NDUFA10: variants seen among roughly 807,000 people sequenced by gnomAD.
The protein encoded by NDUFA10 is NADH dehydrogenase [ubiquinone] 1 alpha subcomplex subunit 10, mitochondrial.
A neutral mutation model predicts 47.8 loss-of-function variants in NDUFA10; 40 were observed. The ratio of observed to expected loss-of-function variants is 0.84; its 90% CI spans 0.65 to 1.09. The LOEUF is 1.09. NDUFA10 is among the 50% of genes least tolerant of loss of function. The probability of loss-of-function intolerance (pLI) is 0.00; values close to 1 mark genes in which losing one functional copy is unlikely to be tolerated. For synonymous variants in NDUFA10, 183 were observed against 172.2 expected (o/e 1.06, Z -0.49); for missense variants, 413 against 451.1 (o/e 0.92, Z 0.76).
intron 8 of NDUFA10, among the ~76,000 whole-genome samples, chr2:239,998,791 G>C (rs1050169151): frequency 7.9e-5 from 12 of 152,206 alleles, no homozygotes; most frequent in African/African-American, 2.9e-4. Context: ...TGAGAAAGTT[G>C]CTCAATCAAT....
At chr2:239,939,123 T>A (rs1694317582) in intron 4 of NDUFA10, among the ~76,000 whole-genome samples, 1 of 152,132 alleles carries the variant, frequency 6.6e-6, no homozygotes, top group South Asian at 2.1e-4. Context: ...GGGAGGATCC[T>A]CGGACCCGCG....
intron 7 of NDUFA10, 83 bp downstream of exon 7, chr2:240,007,233 T>C (rs2106474512): frequency 9.5e-7 from 1 of 1,056,642 alleles, no homozygotes; most frequent in African/African-American, 1.6e-5. Context: ...CCAGTGGGAA[T>C]CTAACTGACG....
intron 4 of NDUFA10, among the ~76,000 whole-genome samples, chr2:239,926,604 C>G (rs557335460): frequency 5.0e-4 from 52 of 104,828 alleles, no homozygotes; most frequent in Non-Finnish European, 8.5e-4. Flanking sequence ...GGAGTGTACT[C>G]CTCCTACTTA....
intron 5 of NDUFA10, among the ~76,000 whole-genome samples, chr2:239,893,180 T>C (rs374740287): frequency 6.0e-4 from 91 of 152,144 alleles, no homozygotes; most frequent in African/African-American, 2.1e-3. Context: ...GGGCAGGGGG[T>C]GGGCTGATGC....
At chr2:239,983,384 C>G (rs753541056) in intron 9 of NDUFA10, 64 of 1,391,962 alleles carry the variant, frequency 4.6e-5, no homozygotes, top group Non-Finnish European at 6.1e-5. Context: ...CTCTGATGGA[C>G]AAAAGGAATT....
chr2:239,959,763 G>T lies in NDUFA10; in HGVS notation c.*1355C>A. The T allele has an allele frequency of 1.4e-6, 1 of 730,240 alleles. No homozygotes were observed. Among genetic ancestry groups the T allele is most frequent in the Non-Finnish European group, 1.7e-6 (1 of 597,412 alleles). The allele number at this position is 730,240 out of a possible 1,614,324, so 45.2% of individuals were successfully genotyped here. A position where few individuals can be genotyped will look rare whatever the true frequency, so the allele number is the denominator to read the frequency against. On this transcript the variant is annotated 3_prime_UTR_variant, in exon 10 of 10. Coordinates refer to ENST00000252711, the MANE Select transcript of NDUFA10 (RefSeq NM_004544.4). ...AGAGAAGGAGGGAAGGAAAGAGGCA[G>T]GGAGGAAGGGAAGGGAGGAAAACAA... is the stretch of plus-strand genomic sequence containing the variant.
At chr2:239,926,755 G>A (rs1288416834) in intron 4 of NDUFA10, among the ~76,000 whole-genome samples, 26 of 152,118 alleles carry the variant, frequency 1.7e-4, no homozygotes, top group Non-Finnish European at 3.7e-4. Flanking sequence ...AGGAGGTGGA[G>A]GTGGAAGACA....
In NDUFA10 at chr2:239,957,692, A is replaced by C. The variant is rs997874051; in HGVS notation, c.*3426T>G. 1.3e-5 allele frequency: 2 copies of C among 152,274 alleles called. No individual in the cohort carries two copies. The highest frequency in any genetic ancestry group is 4.8e-5 in the African/African-American group (2 of 41,458). The allele number at this position is 152,274 out of a possible 1,614,324, so 9.4% of individuals were successfully genotyped here. A position where few individuals can be genotyped will look rare whatever the true frequency, so the allele number is the denominator to read the frequency against. On this transcript the variant is annotated 3_prime_UTR_variant, in exon 10 of 10. Coordinates refer to ENST00000252711, the MANE Select transcript of NDUFA10 (RefSeq NM_004544.4). ...GCGCAGCCAGCGTGAGCCAGGGGAC[A>C]GACACTTTCAGTGGAACATTTATGG...
chr2:239,956,212 T>C (rs867300865), downstream of NDUFA10, among the ~76,000 whole-genome samples: 5 of 152,268 alleles, frequency 3.3e-5, no homozygotes, highest in Middle Eastern at 3.4e-3. Context: ...GCGCCTACAC[T>C]TGGAGGTGGG....
chr2:239,974,436 G>A (rs1005279086), intron 9 of NDUFA10, among the ~76,000 whole-genome samples: 1 of 152,242 alleles, frequency 6.6e-6, no homozygotes, highest in Non-Finnish European at 1.5e-5. Context: ...ACTCTGCTGT[G>A]AAAAGGTCTT....
intron 9 of NDUFA10, among the ~76,000 whole-genome samples, chr2:239,964,730 A>G (rs1694992533): frequency 6.6e-6 from 1 of 152,016 alleles, no homozygotes; most frequent in African/African-American, 2.4e-5. Flanking sequence ...GCAGAACCAC[A>G]CTCAAACACG....
At chr2:239,931,132 C>T (rs1694166796) in intron 4 of NDUFA10, among the ~76,000 whole-genome samples, 1 of 152,208 alleles carries the variant, frequency 6.6e-6, no homozygotes, top group Non-Finnish European at 1.5e-5. Flanking sequence ...CTGTGAGCAT[C>T]TGAACAGCAA....
chr2:239,895,204 C>A lies in NDUFA10; in HGVS notation c.*14+1G>T. The A allele has an allele frequency of 2.2e-6, 1 of 458,874 alleles. No homozygotes were observed. The highest frequency in any genetic ancestry group is 4.5e-6 in the Non-Finnish European group (1 of 220,546). 28.4% of individuals were successfully genotyped at this position (458,874 alleles called of 1,614,324 possible). On this transcript the variant is annotated splice_donor_variant, in intron 5 of 5. Coordinates refer to the NDUFA10 transcript ENST00000419408. LOFTEE classifies it low-confidence loss of function (3UTR_SPLICE). Reference sequence around the variant, plus strand: ...CCAGGCCTCTGCCCCAACTCACTTACCTATTCCCAGGCACTTAGGAGTCTT... The same window carrying A: ...CCAGGCCTCTGCCCCAACTCACTTAACTATTCCCAGGCACTTAGGAGTCTT...
In NDUFA10 at chr2:239,960,815, C is replaced by T; in HGVS notation, c.*303G>A. 3 of 1,307,106 alleles carry T rather than the reference C, an allele frequency of 2.3e-6. No homozygotes were observed. Among genetic ancestry groups the T allele is most frequent in the South Asian group, 3.1e-5 (2 of 65,278 alleles). 81.0% of individuals were successfully genotyped at this position (1,307,106 alleles called of 1,614,324 possible). ...CAACCTGAATGACACAGAGCGGCAG[C>T]GCTGAAACCACAGGGGCTGCCGAGA... On this transcript the variant is annotated 3_prime_UTR_variant, in exon 10 of 10. Coordinates refer to ENST00000252711, the MANE Select transcript of NDUFA10 (RefSeq NM_004544.4).
At chr2:239,897,348 T>C (rs550337748) in intron 4 of NDUFA10, among the ~76,000 whole-genome samples, 2 of 152,330 alleles carry the variant, frequency 1.3e-5, no homozygotes, top group African/African-American at 4.8e-5. Flanking sequence ...TTGTGATAAA[T>C]TGATTCTTCC....
intron 4 of NDUFA10, among the ~76,000 whole-genome samples, chr2:239,910,651 C>G (rs115504923): frequency 0.026 from 3,933 of 152,150 alleles, 158 homozygotes; most frequent in African/African-American, 0.086. Context: ...GTGCAGCAAA[C>G]CACCATGACA....
intron 5 of NDUFA10, chr2:239,895,150 C>T (rs546886007): frequency 1.5e-5 from 6 of 388,224 alleles, no homozygotes; most frequent in East Asian, 8.8e-5. Context: ...ACCCAGTCCA[C>T]GTCACATCCT....
intron 4 of NDUFA10, among the ~76,000 whole-genome samples, chr2:239,927,495 TGGCTGACTCACC>T (rs1242672962): frequency 1.3e-5 from 2 of 152,166 alleles, no homozygotes; most frequent in African/African-American, 4.8e-5. Context: ...CCCCACCCAC[TGGCTGACTCACC>T]GACCTAACGG....
Position 239,945,202 on chromosome 2 carries a change from C to T in NDUFA10, c.294+44872G>A, listed in dbSNP as rs1694427161. Among the ~76,000 whole-genome samples, 1 of 152,210 alleles carries T rather than the reference C, an allele frequency of 6.6e-6. No individual in the cohort carries two copies. Among genetic ancestry groups the T allele is most frequent in the Non-Finnish European group, 1.5e-5 (1 of 68,038 alleles). On this transcript the variant is annotated intron_variant, in intron 4 of 5. Coordinates refer to the NDUFA10 transcript ENST00000419408. This position sits in a 1 kb window ranked among gnomAD's most constrained non-coding sequence, Gnocchi z 4.6. ...GGGGAGGAAATGACAAGCCACTTCT[C>T]AGGTCACCGGCAGGCGTTGAGCAGG...
Sources: allele counts gnomAD v4.1 joint callset (sites outside exome capture counted in the v4.1 genomes callset), GRCh38; gene constraint gnomAD v4.1.1; non-coding constraint Gnocchi (gnomAD v3.1); transcripts MANE v1.5; gene names NCBI Gene and HGNC (gene_info 2026-07-23, HGNC 2026-07-21).